The following GALNT13 variants were observed in gnomAD, a reference collection of about 807,000 sequenced individuals.
GALNT13 encodes the protein polypeptide N-acetylgalactosaminyltransferase 13.
In GALNT13, 28 loss-of-function variants were observed where a neutral mutation model predicts 64.2. That is an observed-to-expected ratio of 0.44 (90% CI 0.32 to 0.60). The LOEUF is 0.60. GALNT13 is among the 20% of genes least tolerant of loss of function. The probability of loss-of-function intolerance (pLI) is 0.05; values close to 1 mark genes in which losing one functional copy is unlikely to be tolerated. For missense variants in GALNT13, 577 were observed against 669.8 expected (o/e 0.86, Z 1.53); for synonymous variants, 214 against 224.6 (o/e 0.95, Z 0.42).
At chr2:153,180,642 C>T in the GALNT13 span, among the ~76,000 whole-genome samples, 1 of 152,150 alleles carries the variant, frequency 6.6e-6, no homozygotes, top group Non-Finnish European at 1.5e-5. Context: ...GTGAAGCCCT[C>T]AGGTTCTGGG....
At chr2:154,362,395 C>T (rs757649516) in intron 9 of GALNT13, among the ~76,000 whole-genome samples, 3 of 151,738 alleles carry the variant, frequency 2.0e-5, no homozygotes, top group Non-Finnish European at 2.9e-5. Context: ...TATATTTCAT[C>T]TCTCTCTCTC....
rs1365077072 is a variant in GALNT13, at chr2:153,884,805, ATG to A, written c.-177+12516_-177+12517del. 2.4e-4 allele frequency among the ~76,000 whole-genome samples: 32 copies of A among 133,636 alleles called. No individual in the cohort carries two copies. The South Asian group carries it at 3.6e-3, about 15-fold the overall frequency. The allele number at this position is 133,636 out of a possible 152,430, so 87.7% of individuals were successfully genotyped here. On this transcript the variant is annotated intron_variant, in intron 1 of 12. Coordinates refer to ENST00000392825, the MANE Select transcript of GALNT13 (RefSeq NM_052917.4). Reference sequence around the variant, plus strand: ...TATATATGTGTGTGTATATATATATATGTGTGTGTGTGTGTATATATATGTGT... The same window carrying A: ...TATATATGTGTGTGTATATATATATATGTGTGTGTGTGTATATATATGTGT...
the GALNT13 span, among the ~76,000 whole-genome samples, chr2:153,131,609 C>T: frequency 1.3e-5 from 2 of 152,146 alleles, no homozygotes; most frequent in Non-Finnish European, 2.9e-5. Context: ...CACCCATATC[C>T]CAGGTCTGCA....
chr2:153,680,512 A>G, the GALNT13 span, among the ~76,000 whole-genome samples: 2 of 152,040 alleles, frequency 1.3e-5, no homozygotes, highest in South Asian at 4.1e-4. Context: ...GTGATAAGAT[A>G]CAGAAATTAT....
At chr2:154,423,097 G>A (rs1196730919) in intron 11 of GALNT13, among the ~76,000 whole-genome samples, 1 of 134,144 alleles carries the variant, frequency 7.5e-6, no homozygotes, top group Non-Finnish European at 1.5e-5. Context: ...GGTGTGTGAT[G>A]TTCCCTGCCC....
the GALNT13 span, among the ~76,000 whole-genome samples, chr2:153,236,332 A>G: frequency 6.6e-5 from 10 of 152,164 alleles, no homozygotes; most frequent in Admixed American, 5.2e-4. Flanking sequence ...ACACTAAACA[A>G]CAGGTTTTTA....
At chr2:153,661,455 T>A in the GALNT13 span, among the ~76,000 whole-genome samples, 1 of 152,144 alleles carries the variant, frequency 6.6e-6, no homozygotes, top group African/African-American at 2.4e-5. Flanking sequence ...ATCCCCAAGT[T>A]TAATGAATCT....
At chr2:154,425,096 C>T (rs1223669551) in intron 11 of GALNT13, among the ~76,000 whole-genome samples, 1 of 152,084 alleles carries the variant, frequency 6.6e-6, no homozygotes, top group Non-Finnish European at 1.5e-5. Flanking sequence ...ATCATTGTGC[C>T]ATTTAGGATA....
intron 9 of GALNT13, among the ~76,000 whole-genome samples, chr2:154,393,685 A>G (rs1335573129): frequency 6.6e-6 from 1 of 152,198 alleles, no homozygotes; most frequent in African/African-American, 2.4e-5. Context: ...TGGCAGGATA[A>G]GAAGGCTTTT....
the GALNT13 span, among the ~76,000 whole-genome samples, chr2:153,372,983 G>T: frequency 6.6e-6 from 1 of 152,084 alleles, no homozygotes; most frequent in East Asian, 1.9e-4. Flanking sequence ...CCATTTTTGT[G>T]GAGTTGCATA....
intron 3 of GALNT13, among the ~76,000 whole-genome samples, chr2:153,970,338 A>T (rs1319246953): frequency 2.0e-5 from 3 of 152,086 alleles, no homozygotes; most frequent in African/African-American, 7.2e-5. Context: ...GCCTCCTTGT[A>T]TTGCTTTTGT....
the GALNT13 span, among the ~76,000 whole-genome samples, chr2:153,171,370 A>C: frequency 6.6e-6 from 1 of 152,204 alleles, no homozygotes; most frequent in Non-Finnish European, 1.5e-5. Context: ...GTGACATAAA[A>C]TTATTACAGA....
intron 9 of GALNT13, among the ~76,000 whole-genome samples, chr2:154,376,519 A>AT (rs1559122004): frequency 6.6e-6 from 1 of 152,122 alleles, no homozygotes; most frequent in Admixed American, 6.6e-5. Context: ...TAGTTAATAA[A>AT]TTTTTTAAAA....
the GALNT13 span, among the ~76,000 whole-genome samples, chr2:153,203,666 G>A: frequency 6.6e-6 from 1 of 152,114 alleles, no homozygotes; most frequent in East Asian, 1.9e-4. Flanking sequence ...TTGAACAGTT[G>A]CCTAAGACTA....
intron 3 of GALNT13, among the ~76,000 whole-genome samples, chr2:154,009,169 C>CTT (rs146389666): frequency 0.011 from 1,633 of 143,534 alleles, 30 homozygotes; most frequent in African/African-American, 0.035. Context: ...TCCATTGCTT[C>CTT]TTTTTTTTTC....
At chr2:154,051,474 T>TA (rs1699614273) in intron 3 of GALNT13, among the ~76,000 whole-genome samples, 1 of 151,060 alleles carries the variant, frequency 6.6e-6, no homozygotes, top group African/African-American at 2.4e-5. Flanking sequence ...GTATTTTTAG[T>TA]AGAGACGGGG....
At chr2:153,561,594 G>T in the GALNT13 span, among the ~76,000 whole-genome samples, 1 of 151,594 alleles carries the variant, frequency 6.6e-6, no homozygotes, top group South Asian at 2.1e-4. Context: ...AGATTTTAGA[G>T]CATTTTGCAT....
chr2:154,110,525 C>T (rs1182215739), intron 3 of GALNT13, among the ~76,000 whole-genome samples: 6 of 150,826 alleles, frequency 4.0e-5, no homozygotes, highest in Non-Finnish European at 7.4e-5. Context: ...ACTAGGAGTC[C>T]GATGTTCGAG....
chr2:153,108,275 A>C, the GALNT13 span, among the ~76,000 whole-genome samples: 9 of 152,066 alleles, frequency 5.9e-5, no homozygotes, highest in African/African-American at 2.2e-4. Flanking sequence ...AAAAAGAACA[A>C]GTTTTTTTTT....
Sources: gnomAD v4.1 joint callset for allele counts (sites outside exome capture counted in the v4.1 genomes callset) on GRCh38, gnomAD v4.1.1 for gene constraint, MANE v1.5 for transcripts, NCBI Gene and HGNC (gene_info 2026-07-23, HGNC 2026-07-21) for gene names.